Variants in NRXN3 observed in about 807,000 individuals in gnomAD.
The protein encoded by NRXN3 is neurexin III.
NRXN3 carries 32 observed loss-of-function variants against 137.6 expected under a neutral mutation model. The observed-to-expected ratio is 0.23, with a 90% CI of 0.18 to 0.31. NRXN3 has a LOEUF of 0.31. NRXN3 is among the 10% of genes least tolerant of loss of function. The pLI is 1.00. For synonymous variants in NRXN3, 798 were observed against 784.5 expected, an observed-to-expected ratio of 1.02 and a Z score of -0.29; for missense variants, 1,574 against 2,062.5, an observed-to-expected ratio of 0.76 and a Z score of 4.59.
intron 8 of NRXN3, among the ~76,000 whole-genome samples, chr14:78,728,750 A>T (rs1489513584): frequency 1.3e-5 from 2 of 152,116 alleles, no homozygotes; most frequent in Non-Finnish European, 2.9e-5. Flanking sequence ...TACCAAAAAA[A>T]TTAGCCAGGC....
chr14:79,650,723 A>G (rs2098471801), intron 16 of NRXN3, among the ~76,000 whole-genome samples: 1 of 152,202 alleles, frequency 6.6e-6, no homozygotes, highest in African/African-American at 2.4e-5. Context: ...TTGATTTCAA[A>G]ATTTCTATGA....
intron 16 of NRXN3, among the ~76,000 whole-genome samples, chr14:79,474,758 A>G (rs2096544664): frequency 6.6e-6 from 1 of 152,082 alleles, no homozygotes; most frequent in South Asian, 2.1e-4. Context: ...CTTTAATTTT[A>G]TCGACCATGG....
chr14:79,111,599 C>T (rs905306777), intron 15 of NRXN3, among the ~76,000 whole-genome samples: 9 of 151,896 alleles, frequency 5.9e-5, no homozygotes, highest in East Asian at 1.9e-4. Context: ...ATTAGCCAGG[C>T]GTGGTGATGC....
intron 16 of NRXN3, chr14:79,661,536 T>C (rs951250833): frequency 6.6e-6 from 1 of 152,150 alleles, no homozygotes; most frequent in African/African-American, 2.4e-5. Context: ...TGTACCAAAC[T>C]ATATATAGAA....
At chr14:79,340,468 A>G (rs2092546757) in intron 15 of NRXN3, among the ~76,000 whole-genome samples, 1 of 152,078 alleles carries the variant, frequency 6.6e-6, no homozygotes, top group Admixed American at 6.6e-5. Flanking sequence ...TTACGTATGT[A>G]TGTATGTATG....
At chr14:79,152,172 C>T (rs955788862) in intron 15 of NRXN3, among the ~76,000 whole-genome samples, 4 of 151,996 alleles carry the variant, frequency 2.6e-5, no homozygotes, top group Admixed American at 6.6e-5. Context: ...CAATCATTTA[C>T]TGAGCATTTT....
intron 8 of NRXN3, among the ~76,000 whole-genome samples, chr14:78,777,452 A>G (rs1036120394): frequency 2.0e-5 from 3 of 152,174 alleles, no homozygotes; most frequent in African/African-American, 7.2e-5. Context: ...TGTTTTATCT[A>G]TCAGAGAGTT....
chr14:79,429,604 A>G lies in NRXN3; in HGVS notation c.3263-37617A>G, dbSNP rs114307722. 1.4e-3 allele frequency among the ~76,000 whole-genome samples: 214 copies of G among 152,358 alleles called. 1 individual carries two copies. Among genetic ancestry groups the G allele is most frequent in the African/African-American group, 5.1e-3 (210 of 41,584 alleles). On this transcript the variant is annotated intron_variant, in intron 15 of 20. Transcript: ENST00000335750. ...TAGCTCAATAGATATTGCTCCAGAAACACTAGTGCATGAGGCTGCCATTAC... is the reference window on the plus strand; with the variant it reads ...TAGCTCAATAGATATTGCTCCAGAAGCACTAGTGCATGAGGCTGCCATTAC...
intron 4 of NRXN3, among the ~76,000 whole-genome samples, chr14:78,551,492 C>T (rs1300032097): frequency 6.6e-6 from 1 of 152,018 alleles, no homozygotes; most frequent in Non-Finnish European, 1.5e-5. Context: ...GTTTGCTCTT[C>T]CTCTTCCCTT....
intron 8 of NRXN3, among the ~76,000 whole-genome samples, chr14:78,734,100 G>A (rs2098529613): frequency 6.6e-6 from 1 of 152,054 alleles, no homozygotes; most frequent in Non-Finnish European, 1.5e-5. Context: ...AGCATAGTAA[G>A]ACTTTTCTCT....
At chr14:79,263,889 C>G (rs536951612) in intron 15 of NRXN3, among the ~76,000 whole-genome samples, 1 of 152,220 alleles carries the variant, frequency 6.6e-6, no homozygotes, top group African/African-American at 2.4e-5. Flanking sequence ...AGAGGTGACT[C>G]TCTTTATAGC....
intron 10 of NRXN3, among the ~76,000 whole-genome samples, chr14:78,929,891 G>A (rs764913595): frequency 5.3e-5 from 8 of 152,284 alleles, no homozygotes; most frequent in Non-Finnish European, 1.0e-4. Context: ...GTCTAAGGAA[G>A]GTATGATGAT....
chr14:78,967,273 C>T lies in NRXN3; in HGVS notation c.2843C>T (p.Pro948Leu), dbSNP rs1045698365. ...GTGATCAAAGGCAACAGTGACCGCC[C>T]CCTGAATGACAACCAGTGGCACAAT... ...PNVIKGNSDR[P>L]LNDNQWHNVV... Residue 948 changes from proline (P) to leucine (L), a missense_variant, in exon 13 of 21, where the codon CCC becomes CTC. Pro to Leu is a moderately conservative substitution (Grantham distance 98). Transcript: ENST00000335750. 6 of 1,613,846 alleles carry T rather than the reference C, an allele frequency of 3.7e-6. No homozygotes were observed. Among genetic ancestry groups the T allele is most frequent in the East Asian group, 4.5e-5 (2 of 44,844 alleles).
intron 15 of NRXN3, among the ~76,000 whole-genome samples, chr14:79,086,796 C>G (rs1425156130): frequency 1.3e-5 from 2 of 152,132 alleles, no homozygotes; most frequent in Non-Finnish European, 2.9e-5. Flanking sequence ...AAGTCTTATA[C>G]TTGATCTGTA....
chr14:79,842,589 C>A (rs560837077), intron 20 of NRXN3, among the ~76,000 whole-genome samples: 2 of 152,042 alleles, frequency 1.3e-5, no homozygotes, highest in Non-Finnish European at 2.9e-5. Context: ...GTGACTTGAT[C>A]TGATTTTTAT....
intron 2 of NRXN3, among the ~76,000 whole-genome samples, chr14:78,264,306 T>G (rs2071322420): frequency 6.6e-6 from 1 of 152,172 alleles, no homozygotes; most frequent in Non-Finnish European, 1.5e-5. Flanking sequence ...GAATTTCCAC[T>G]GACCCAGCCT....
chr14:78,855,112 C>G (rs142296780), intron 10 of NRXN3, among the ~76,000 whole-genome samples: 1 of 150,746 alleles, frequency 6.6e-6, no homozygotes, highest in Non-Finnish European at 1.5e-5. Context: ...TGCAGTGATC[C>G]GAGATCACGC....
intron 15 of NRXN3, among the ~76,000 whole-genome samples, chr14:79,094,979 AGT>A (rs1555740770): frequency 8.0e-4 from 93 of 115,928 alleles, no homozygotes; most frequent in East Asian, 2.7e-3. Flanking sequence ...AGAGAGAGAG[AGT>A]GTGTGTGTGT....
chr14:79,773,313 A>G lies in NRXN3; in HGVS notation c.4015-31799A>G, dbSNP rs1474418462. Reference sequence around the variant, plus strand: ...AAAGGACTATAAATCATGCTGCTATAAAGACACATGCACACGTATGTTTAT... The same window carrying G: ...AAAGGACTATAAATCATGCTGCTATGAAGACACATGCACACGTATGTTTAT... On this transcript the variant is annotated intron_variant, in intron 19 of 20. Coordinates refer to ENST00000335750, the MANE Select transcript of NRXN3 (RefSeq NM_001330195.2). Among the ~76,000 whole-genome samples the G allele has an allele frequency of 6.6e-5, 10 of 152,214 alleles. No homozygotes were observed. The South Asian group carries it at 1.7e-3, about 25-fold the overall frequency.
Sources: gnomAD v4.1 joint callset for allele counts (sites outside exome capture counted in the v4.1 genomes callset) on GRCh38, gnomAD v4.1.1 for gene constraint, MANE v1.5 for transcripts, NCBI Gene and HGNC (gene_info 2026-07-23, HGNC 2026-07-21) for gene names.